Variants in PPWD1 observed in about 807,000 individuals in gnomAD.
PPWD1 encodes peptidylprolyl isomerase domain and WD repeat containing 1, also known as peptidylprolyl isomerase domain and WD repeat-containing protein 1.
In PPWD1, 43 loss-of-function variants were observed where a neutral mutation model predicts 68.8. That is an observed-to-expected ratio of 0.62 (90% confidence interval 0.49 to 0.81). The LOEUF (loss-of-function observed/expected upper bound fraction) is 0.81, where lower values mean the gene tolerates loss of function less well. PPWD1 is among the 30% of genes least tolerant of loss of function. The probability of loss-of-function intolerance (pLI) is 0.00; values close to 1 mark genes in which losing one functional copy is unlikely to be tolerated. For missense variants in PPWD1, 672 were observed against 804.8 expected (o/e 0.83, Z 2.00); for synonymous variants, 232 against 258.7 (o/e 0.90, Z 0.99).
At chr5:65,573,481 T>TATATATATATATATAA (rs1304267719) in intron 5 of PPWD1, among the ~76,000 whole-genome samples, 7,837 of 93,140 alleles carry the variant, frequency 0.084, 844 homozygotes, top group Non-Finnish European at 0.11. Context: ...ATATATTTTT[T>TATATATATATATATAA]TTTTATTAGA....
intron 2 of PPWD1, 114 bp from the exon 3 acceptor site, chr5:65,569,518 T>TTA (rs1554121643): frequency 8.4e-6 from 10 of 1,187,626 alleles, no homozygotes; most frequent in Middle Eastern, 2.6e-4. Flanking sequence ...GGGTTTTTTT[T>TTA]AAAAAAAAAC....
intron 10 of PPWD1, 69 bp from the exon 11 acceptor site, chr5:65,587,184 G>T: frequency 7.0e-7 from 1 of 1,427,240 alleles, no homozygotes; most frequent in Non-Finnish European, 9.4e-7. Flanking sequence ...TCTTTAATTT[G>T]CTCAACCAGA....
intron 6 of PPWD1, 144 bp from the exon 7 acceptor site, chr5:65,579,280 G>T: frequency 8.0e-7 from 1 of 1,248,362 alleles, no homozygotes. Context: ...ACCTTTTGGG[G>T]GGTAGAGAAA....
chr5:65,570,919 C>T (rs1752984000), intron 4 of PPWD1, among the ~76,000 whole-genome samples: 1 of 152,022 alleles, frequency 6.6e-6, no homozygotes, highest in Non-Finnish European at 1.5e-5. Context: ...GAATTATGCC[C>T]ACAATTCAAA....
At chr5:65,583,686 C>T (rs1753697266) in intron 8 of PPWD1, among the ~76,000 whole-genome samples, 2 of 152,220 alleles carry the variant, frequency 1.3e-5, no homozygotes, top group Admixed American at 1.3e-4. Context: ...CAGTGGCACG[C>T]ACTTGTAATC....
At chr5:65,574,441 C>CAAA (rs1753183426) in intron 5 of PPWD1, among the ~76,000 whole-genome samples, 1 of 140,342 alleles carries the variant, frequency 7.1e-6, no homozygotes, top group African/African-American at 2.6e-5. Flanking sequence ...TCTCTGGACA[C>CAAA]AAATCTCTTT....
In PPWD1 at chr5:65,572,108, A is replaced by C; in HGVS notation, c.791A>C (p.Asn264Thr). ...GAATATAAATTCCCCAAAAATGTGA[A>C]CTGGGAATATAAAACTGACACTGAT... The part of the protein sequence containing the change: ...PHEYKFPKNV[N>T]WEYKTDTDLY... The change falls in exon 5 of 11, where the codon AAC (asparagine) becomes ACC (threonine). Residue 264 changes from asparagine to threonine, a missense_variant. Physicochemically the swap from Asn to Thr is moderately conservative, Grantham distance 65 (BLOSUM62 0). Transcript: ENST00000261308. The C allele has an allele frequency of 6.2e-7, 1 of 1,613,920 alleles. No homozygotes were observed.
intron 5 of PPWD1, chr5:65,576,463 G>A (rs911383107): frequency 1.2e-5 from 6 of 506,994 alleles, no homozygotes; most frequent in African/African-American, 1.1e-4. Context: ...TGCAGCGTCT[G>A]CCTCCTAGGT....
At chr5:65,564,044 C>A in intron 1 of PPWD1, 1 of 527,810 alleles carries the variant, frequency 1.9e-6, no homozygotes, top group South Asian at 2.5e-5. Context: ...TGTTTTCATC[C>A]AAAACCCGAA....
intron 2 of PPWD1, chr5:65,569,228 T>G (rs931912269): frequency 2.9e-5 from 9 of 306,690 alleles, no homozygotes; most frequent in Admixed American, 4.6e-5. Context: ...AAACTTTTGT[T>G]GAATTTTGTT....
At chr5:65,582,157 G>A (rs1753623624) in intron 7 of PPWD1, among the ~76,000 whole-genome samples, 1 of 152,174 alleles carries the variant, frequency 6.6e-6, no homozygotes, top group African/African-American at 2.4e-5. Flanking sequence ...GCAAGATAGG[G>A]ATGGAGGCAC....
chr5:65,572,153 G>A lies in PPWD1; in HGVS notation c.836G>A (p.Cys279Tyr). ...ACTGATTTATATGAATTTGCCAAGT[G>A]TAAGGCTTATCCAACCAGCGTATGT... ...TDTDLYEFAK[C>Y]KAYPTSVCFS... Residue 279 changes from cysteine to tyrosine, a missense_variant, in exon 5 of 11, where the codon TGT becomes TAT. Around this residue, in one of 2 missense-constraint regions of PPWD1, gnomAD observed 484 missense variants for 646.2 expected, o/e 0.75. Coordinates refer to ENST00000261308, the MANE Select transcript of PPWD1 (RefSeq NM_015342.4). 1 of 1,614,068 alleles carries A rather than the reference G, an allele frequency of 6.2e-7. No individual in the cohort carries two copies. Among genetic ancestry groups the A allele is most frequent in the East Asian group, 2.2e-5 (1 of 44,866 alleles).
chr5:65,580,231 A>G (rs1164566702), intron 7 of PPWD1, among the ~76,000 whole-genome samples: 3 of 152,170 alleles, frequency 2.0e-5, no homozygotes, highest in African/African-American at 7.2e-5. Context: ...CTTGCATTCT[A>G]TCCTTCACAA....
chr5:65,571,265 G>A (rs1752995848), intron 4 of PPWD1, among the ~76,000 whole-genome samples: 6 of 152,132 alleles, frequency 3.9e-5, no homozygotes, highest in Admixed American at 3.9e-4. Context: ...GAGTGTTTTA[G>A]TACAATTGAT....
In PPWD1 at chr5:65,576,956, G is replaced by T; in HGVS notation, c.1047G>T (p.Glu349Asp). ...GCCGACGAATGGCTGTAGAACGTGA[G>T]TTGGAGAAGGTTGATGCTGTAAGAT... ...EFGRRMAVER[E>D]LEKVDAVRLI... The change falls in exon 6 of 11, where the codon GAG becomes GAT. Residue 349 changes from glutamate (E) to aspartate (D), a missense_variant. Glu to Asp is a conservative substitution (Grantham distance 45). Around this residue, in one of 2 missense-constraint regions of PPWD1, gnomAD observed 484 missense variants for 646.2 expected, o/e 0.75. Coordinates refer to ENST00000261308, the MANE Select transcript of PPWD1 (RefSeq NM_015342.4). 6.2e-7 allele frequency: 1 copy of T among 1,614,168 alleles called. No homozygotes were observed. Among genetic ancestry groups the T allele is most frequent in the Non-Finnish European group, 8.5e-7 (1 of 1,179,998 alleles).
intron 1 of PPWD1, 128 bp downstream of exon 1, chr5:65,563,634 C>A: frequency 7.8e-7 from 1 of 1,278,882 alleles, no homozygotes. Context: ...CGTCCTCTCA[C>A]TTCTGGCTAC....
chr5:65,585,952 A>C (rs768697483), intron 9 of PPWD1, 47 bp from the exon 10 acceptor site: 8 of 1,592,360 alleles, frequency 5.0e-6, no homozygotes, highest in Non-Finnish European at 6.0e-6. Flanking sequence ...CAAAGCGTAC[A>C]TATATCGAAA....
rs145372576 is a variant in PPWD1, at chr5:65,563,456, G to A, written c.146G>A (p.Arg49His). The part of the protein sequence containing the change: ...SQENDEENEE[R>H]WVGPLPVEAT... ...GAGAACGATGAGGAGAACGAAGAGC[G>A]CTGGGTTGGACCTTTACCTGTGGAG... Residue 49 changes from arginine (R) to histidine (H), a missense_variant, in exon 1 of 11, where the codon CGC (arginine) becomes CAC (histidine). By Grantham distance (29) the Arg-to-His change is conservative. Transcript: ENST00000261308. 26 of 1,613,948 alleles carry A rather than the reference G, an allele frequency of 1.6e-5. No individual in the cohort carries two copies. Among genetic ancestry groups the A allele is most frequent in the African/African-American group, 2.7e-5 (2 of 74,906 alleles).
At chr5:65,565,091 C>T (rs1440754677) in intron 1 of PPWD1, among the ~76,000 whole-genome samples, 1 of 152,168 alleles carries the variant, frequency 6.6e-6, no homozygotes, top group East Asian at 1.9e-4. Context: ...CTTCCTGGTC[C>T]TCTTATTAAA....
Sources: gnomAD v4.1 joint callset for allele counts (sites outside exome capture counted in the v4.1 genomes callset) on GRCh38, gnomAD v4.1.1 for gene constraint, gnomAD v4.1.1 regional missense constraint, MANE v1.5 for transcripts, NCBI Gene and HGNC (gene_info 2026-07-23, HGNC 2026-07-21) for gene names.